Variants in ADH1A observed in about 807,000 individuals in gnomAD.
The protein encoded by ADH1A is alcohol dehydrogenase 1A (class I), alpha polypeptide.
Under a neutral mutation model 35.2 loss-of-function variants are expected in ADH1A, and 29 were observed. That is an observed-to-expected ratio of 0.82 (90% CI 0.61 to 1.12). The LOEUF (loss-of-function observed/expected upper bound fraction) is 1.12, where lower values mean the gene tolerates loss of function less well. Ranked by LOEUF, ADH1A falls within the 50% of genes most tolerant of loss-of-function variation. ADH1A has a pLI of 0.00. For missense variants in ADH1A, 469 were observed against 464.7 expected, an observed-to-expected ratio of 1.01 and a Z score of -0.09; for synonymous variants, 147 against 164.8, an observed-to-expected ratio of 0.89 and a Z score of 0.83.
intron 6 of ADH1A, 91 bp from the exon 7 acceptor site, chr4:99,280,370 T>C (rs1316315758): frequency 6.3e-7 from 1 of 1,584,184 alleles, no homozygotes; most frequent in African/African-American, 1.3e-5. Context: ...CTTAACTGGA[T>C]TGTGAGTGTG....
chr4:99,277,057 T>C (rs1481105082), intron 8 of ADH1A, among the ~76,000 whole-genome samples: 4 of 152,084 alleles, frequency 2.6e-5, no homozygotes, highest in Admixed American at 1.3e-4. Context: ...CACTAGGAGG[T>C]AGATTTTCAT....
intron 1 of ADH1A, among the ~76,000 whole-genome samples, chr4:99,289,951 A>G (rs1265256350): frequency 6.6e-6 from 1 of 152,224 alleles, no homozygotes; most frequent in Non-Finnish European, 1.5e-5. Context: ...TCTTATTGAT[A>G]TGAACCTGTT....
rs142658552 is a variant in ADH1A, at chr4:99,280,189, T to C, written c.919A>G (p.Met307Val). 3 of 1,613,566 alleles carry C rather than the reference T, an allele frequency of 1.9e-6. No homozygotes were observed. The highest frequency in any genetic ancestry group is 1.1e-5 in the South Asian group (1 of 91,042). The change falls in exon 7 of 9, where the codon ATG (methionine) becomes GTG (valine). Residue 307 changes from methionine to valine, a missense_variant. By Grantham distance (21) the Met-to-Val change is conservative. Transcript: ENST00000209668. ...CAGGTACGTCCAGTCAGTAGCAGCA[T>C]AGGGTTCATTGAGAGGTTTTGGGAA... ...PDSQNLSMNP[M>V]LLLTGRTWKG... is the part of the protein sequence containing the mutation.
chr4:99,283,393 T>G (rs957691602), intron 5 of ADH1A, among the ~76,000 whole-genome samples: 1 of 152,160 alleles, frequency 6.6e-6, no homozygotes, highest in Non-Finnish European at 1.5e-5. Flanking sequence ...AAACCTAGTC[T>G]CCCATAGTCC....
intron 8 of ADH1A, among the ~76,000 whole-genome samples, chr4:99,277,309 G>A (rs1004127601): frequency 6.6e-6 from 1 of 151,972 alleles, no homozygotes; most frequent in South Asian, 2.1e-4. Context: ...GAATAAAGTC[G>A]ATTTGTATTA....
intron 1 of ADH1A, chr4:99,288,646 C>A (rs1171875042): frequency 6.6e-6 from 1 of 151,996 alleles, no homozygotes; most frequent in Non-Finnish European, 1.5e-5. Flanking sequence ...ATTTATTTGT[C>A]AAATTATTCA....
In ADH1A at chr4:99,290,896, C is replaced by T. The variant is rs764261126; in HGVS notation, c.18+1G>A. On this transcript the variant is annotated splice_donor_variant, in intron 1 of 8. Transcript: ENST00000209668. LOFTEE classifies it high-confidence loss of function. ...CCAACAGTAATATATTTTTTGCTTA[C>T]TTTTCCTGCTGTGCTCATGTTGATT... 33 of 1,613,600 alleles carry T rather than the reference C, an allele frequency of 2.0e-5. No homozygotes were observed. The highest frequency in any genetic ancestry group is 2.7e-5 in the Non-Finnish European group (32 of 1,179,718).
intron 3 of ADH1A, among the ~76,000 whole-genome samples, chr4:99,285,947 G>A (rs1036802183): frequency 4.6e-5 from 7 of 150,986 alleles, no homozygotes; most frequent in Non-Finnish European, 7.4e-5. Flanking sequence ...GCGTGAACCC[G>A]GGAGGTGGAG....
Position 99,284,446 on chromosome 4 carries a change from C to G in ADH1A, c.520G>C (p.Gly174Arg), listed in dbSNP as rs1018663188. 12 of 1,613,990 alleles carry G rather than the reference C, an allele frequency of 7.4e-6. No homozygotes were observed. The African/African-American group carries it at 1.5e-4, about 20-fold the overall frequency. Residue 174 changes from glycine to arginine, a missense_variant, in exon 5 of 9, where the codon GGC becomes CGC. By Grantham distance (125) the Gly-to-Arg change is moderately radical. Coordinates refer to ENST00000209668, the MANE Select transcript of ADH1A (RefSeq NM_000667.4). ...CCATAACCAGTTGAAAATCCACAGCCAATGAGACAGACTTTCTCTAGAGGC... is the reference window on the plus strand; with the variant it reads ...CCATAACCAGTTGAAAATCCACAGCGAATGAGACAGACTTTCTCTAGAGGC... ...ASPLEKVCLI[G>R]CGFSTGYGSA...
chr4:99,284,412 A>T lies in ADH1A; in HGVS notation c.554T>A (p.Val185Asp). 1.2e-6 allele frequency: 2 copies of T among 1,614,138 alleles called. No homozygotes were observed. The highest frequency in any genetic ancestry group is 1.7e-6 in the Non-Finnish European group (2 of 1,180,024). The change falls in exon 5 of 9, where the codon GTC becomes GAC. Residue 185 changes from valine (V) to aspartate (D), a missense_variant. Transcript: ENST00000209668. The part of the protein sequence containing the change: ...CGFSTGYGSA[V>D]NVAKVTPGST... Reference sequence around the variant, plus strand: ...TGCCATTCTTACCTTGGCAACATTGACTGCAGACCCATAACCAGTTGAAAA... The same window carrying T: ...TGCCATTCTTACCTTGGCAACATTGTCTGCAGACCCATAACCAGTTGAAAA...
chr4:99,277,455 T>A (rs1219292711), intron 8 of ADH1A, among the ~76,000 whole-genome samples: 1 of 152,006 alleles, frequency 6.6e-6, no homozygotes. Context: ...TAATAATTTT[T>A]AAAATATATA....
Position 99,284,529 on chromosome 4 carries a change from G to A in ADH1A, c.437C>T (p.Thr146Ile). The A allele has an allele frequency of 1.2e-6, 2 of 1,614,236 alleles. No individual in the cohort carries two copies. The highest frequency in any genetic ancestry group is 1.7e-6 in the Non-Finnish European group (2 of 1,180,044). Residue 146 changes from threonine to isoleucine, a missense_variant, in exon 5 of 9, where the codon ACC (threonine) becomes ATC (isoleucine). Physicochemically the swap from Thr to Ile is moderately conservative, Grantham distance 89. Transcript: ENST00000209668. The part of the protein sequence containing the change: ...KPIHHFLGIS[T>I]FSQYTVVDEN... ...ATCCACCACTGTGTACTGTGAGAAG[G>A]TGCTGATGCCAAGGAAGTGGTGGAT...
chr4:99,278,034 T>C (rs952196335), intron 8 of ADH1A, among the ~76,000 whole-genome samples: 2 of 152,134 alleles, frequency 1.3e-5, no homozygotes, highest in East Asian at 3.8e-4. Context: ...CACCTTAGTC[T>C]TACCAATATT....
intron 3 of ADH1A, 196 bp downstream of exon 3, chr4:99,286,654 G>A: frequency 2.4e-6 from 2 of 846,846 alleles, no homozygotes; most frequent in East Asian, 2.7e-5. Flanking sequence ...ATTGTTGAAG[G>A]GTAGAATACA....
chr4:99,284,510 C>T lies in ADH1A; in HGVS notation c.456G>A (p.Val152=). ...TTTTGGCTACTGCATTTTCATCCAC[C>T]ACTGTGTACTGTGAGAAGGTGCTGA... ...LGISTFSQYT[V]VDENAVAKID... is the part of the protein sequence containing the mutation. The change falls in exon 5 of 9, where the codon GTG becomes GTA. Residue 152 remains valine (V), a synonymous_variant. Transcript: ENST00000209668. 1.3e-5 allele frequency: 21 copies of T among 1,614,194 alleles called. No individual in the cohort carries two copies. Among genetic ancestry groups the T allele is most frequent in the Non-Finnish European group, 1.6e-5 (19 of 1,180,028 alleles).
At chr4:99,276,720 G>T in intron 8 of ADH1A, 72 bp from the exon 9 acceptor site, 1 of 1,404,894 alleles carries the variant, frequency 7.1e-7, no homozygotes, top group Non-Finnish European at 1.0e-6. Context: ...AGGAGCATTT[G>T]AAATGACTTA....
At chr4:99,282,261 T>C (rs749717601) in intron 6 of ADH1A, 85 bp downstream of exon 6, 1 of 1,612,558 alleles carries the variant, frequency 6.2e-7, no homozygotes, top group Non-Finnish European at 8.5e-7. Context: ...AAAATATCCT[T>C]TATACAGAAA....
chr4:99,286,927 G>T lies in ADH1A; in HGVS notation c.182C>A (p.Pro61Gln). 6.2e-7 allele frequency: 1 copy of T among 1,614,148 alleles called. No homozygotes were observed. The highest frequency in any genetic ancestry group is 8.5e-7 in the Non-Finnish European group (1 of 1,180,012). ...DHVVSGTMVT[P>Q]LPVILGHEAA... ...CTCATGGCCTAAAATCACAGGAAGT[G>T]GGGTCACCATGGTACCACTAACCAC... Residue 61 changes from proline (P) to glutamine (Q), a missense_variant, in exon 3 of 9, where the codon CCA becomes CAA. Coordinates refer to ENST00000209668, the MANE Select transcript of ADH1A (RefSeq NM_000667.4).
chr4:99,277,545 G>A (rs908206685), intron 8 of ADH1A, among the ~76,000 whole-genome samples: 1 of 151,922 alleles, frequency 6.6e-6, no homozygotes, highest in Non-Finnish European at 1.5e-5. Context: ...AGAAAGTAAA[G>A]GTAATCCATA....
Sources: gnomAD v4.1 joint callset for allele counts (sites outside exome capture counted in the v4.1 genomes callset) on GRCh38, gnomAD v4.1.1 for gene constraint, MANE v1.5 for transcripts, NCBI Gene and HGNC (gene_info 2026-07-23, HGNC 2026-07-21) for gene names.